Variants in MECOM observed in about 807,000 individuals in gnomAD.
MECOM encodes the protein MDS1 and EVI1 complex locus.
MECOM carries 13 observed loss-of-function variants against 116.3 expected under a neutral mutation model. The observed-to-expected ratio is 0.11, with a 90% CI of 0.07 to 0.18. The LOEUF is 0.18. Among genes scored for constraint, MECOM ranks in the 10% least tolerant of loss-of-function variants. MECOM has a pLI of 1.00. For missense variants in MECOM, 1,299 were observed against 1,509.0 expected (o/e 0.86, Z 2.31); for synonymous variants, 528 against 535.2 (o/e 0.99, Z 0.19).
intron 1 of MECOM, among the ~76,000 whole-genome samples, chr3:169,653,888 A>C (rs1775218045): frequency 6.6e-6 from 1 of 151,666 alleles, no homozygotes; most frequent in Non-Finnish European, 1.5e-5. Flanking sequence ...GGCAAATCTC[A>C]CTCCCGACCT....
chr3:169,566,063 GAA>G (rs1167516214), intron 1 of MECOM: 2 of 372,150 alleles, frequency 5.4e-6, no homozygotes, highest in Non-Finnish European at 1.1e-5. Flanking sequence ...GCAGGAGAGA[GAA>G]AGAGCAATGA....
At chr3:169,229,297 G>A (rs932750483) in intron 2 of MECOM, among the ~76,000 whole-genome samples, 5 of 152,290 alleles carry the variant, frequency 3.3e-5, no homozygotes, top group East Asian at 3.9e-4. Flanking sequence ...ACTACCAAAC[G>A]GGCAAGTGGA....
chr3:169,491,558 A>G (rs1753095725), intron 1 of MECOM, among the ~76,000 whole-genome samples: 1 of 152,240 alleles, frequency 6.6e-6, no homozygotes, highest in Non-Finnish European at 1.5e-5. Flanking sequence ...ATTTATCTTC[A>G]TGAATAACTA....
chr3:169,417,174 T>C (rs1181683800), intron 1 of MECOM, among the ~76,000 whole-genome samples: 1 of 150,962 alleles, frequency 6.6e-6, no homozygotes, highest in Non-Finnish European at 1.5e-5. Flanking sequence ...ACAGGCAACC[T>C]ACAAAATGGG....
intron 2 of MECOM, among the ~76,000 whole-genome samples, chr3:169,334,944 C>A (rs1316841379): frequency 2.6e-5 from 4 of 152,112 alleles, no homozygotes; most frequent in Admixed American, 2.0e-4. Context: ...TGCACTCCCT[C>A]AATAGAGGTA....
At chr3:169,170,354 C>A (rs1559946821) in intron 2 of MECOM, among the ~76,000 whole-genome samples, 1 of 144,282 alleles carries the variant, frequency 6.9e-6, no homozygotes. Context: ...TTGCAGTGAG[C>A]CAAGATCGCA....
chr3:169,624,434 C>T (rs1423461920), intron 1 of MECOM, among the ~76,000 whole-genome samples: 2 of 152,306 alleles, frequency 1.3e-5, no homozygotes, highest in South Asian at 2.1e-4. Context: ...CAGCACTCCA[C>T]ACTGGCTGAA....
chr3:169,224,062 T>C (rs957666057), intron 2 of MECOM, among the ~76,000 whole-genome samples: 1 of 152,210 alleles, frequency 6.6e-6, no homozygotes, highest in Non-Finnish European at 1.5e-5. Flanking sequence ...GTTTTTTCTA[T>C]GCCCCACTGA....
intron 14 of MECOM, among the ~76,000 whole-genome samples, chr3:169,091,440 G>A (rs1411322523): frequency 1.3e-5 from 2 of 152,096 alleles, no homozygotes; most frequent in South Asian, 2.1e-4. Flanking sequence ...CTCACAAATC[G>A]CCAATTAAAG....
At chr3:169,228,622 AC>A (rs1753022184) in intron 2 of MECOM, among the ~76,000 whole-genome samples, 1 of 152,220 alleles carries the variant, frequency 6.6e-6, no homozygotes, top group African/African-American at 2.4e-5. Context: ...CACATTAATG[AC>A]ATTACAATTA....
intron 1 of MECOM, among the ~76,000 whole-genome samples, chr3:169,626,243 C>A (rs1354493823): frequency 1.3e-5 from 2 of 152,168 alleles, no homozygotes; most frequent in Non-Finnish European, 2.9e-5. Context: ...CCTGAAGACC[C>A]ATCTCTACTT....
intron 2 of MECOM, among the ~76,000 whole-genome samples, chr3:169,375,632 G>A (rs1397128144): frequency 3.3e-5 from 5 of 152,078 alleles, no homozygotes; most frequent in African/African-American, 1.2e-4. Context: ...AAACCAGGAA[G>A]AAGTCAAATC....
chr3:169,086,575 AGAT>A, intron 16 of MECOM: 1 of 701,470 alleles, frequency 1.4e-6, no homozygotes, highest in Non-Finnish European at 2.6e-6. Flanking sequence ...CCTATAAAAC[AGAT>A]GATAGTAATA....
intron 1 of MECOM, among the ~76,000 whole-genome samples, chr3:169,471,289 G>A (rs1749191834): frequency 6.6e-6 from 1 of 151,826 alleles, no homozygotes; most frequent in South Asian, 2.1e-4. Flanking sequence ...ACCACACCCA[G>A]CCTCAATGTC....
intron 2 of MECOM, among the ~76,000 whole-genome samples, chr3:169,312,456 C>T (rs1229482878): frequency 1.3e-5 from 2 of 150,950 alleles, no homozygotes; most frequent in Non-Finnish European, 2.9e-5. Context: ...GCAAGCTCCG[C>T]CTCCAGGGTT....
At chr3:169,628,279 A>T (rs1338915090) in intron 1 of MECOM, among the ~76,000 whole-genome samples, 3 of 152,204 alleles carry the variant, frequency 2.0e-5, no homozygotes, top group Non-Finnish European at 4.4e-5. Context: ...GCCTATTTTT[A>T]AAAATATTTT....
At chr3:169,333,176 T>C (rs550782253) in intron 2 of MECOM, among the ~76,000 whole-genome samples, 1 of 152,232 alleles carries the variant, frequency 6.6e-6, no homozygotes, top group African/African-American at 2.4e-5. Flanking sequence ...GCATCAACTA[T>C]TCATCAGGAT....
intron 1 of MECOM, among the ~76,000 whole-genome samples, chr3:169,454,922 C>T (rs6782439): frequency 0.053 from 8,103 of 152,214 alleles, 272 homozygotes; most frequent in African/African-American, 0.089. Context: ...ATATTTAATG[C>T]TTGCCAGTAA....
At chr3:169,413,658 C>A (rs1246927817) in intron 1 of MECOM, among the ~76,000 whole-genome samples, 1 of 152,062 alleles carries the variant, frequency 6.6e-6, no homozygotes, top group Non-Finnish European at 1.5e-5. Context: ...TCACTGCCAA[C>A]ACAGCAGTCT....
Sources: allele counts gnomAD v4.1 joint callset (sites outside exome capture counted in the v4.1 genomes callset), GRCh38; gene constraint gnomAD v4.1.1; transcripts MANE v1.5; gene names NCBI Gene and HGNC (gene_info 2026-07-23, HGNC 2026-07-21).